SCN11A: variants seen among roughly 807,000 people sequenced by gnomAD.
SCN11A encodes the protein sodium channel protein type 11 subunit alpha.
SCN11A carries 122 observed loss-of-function variants against 162.2 expected under a neutral mutation model. That is an observed-to-expected ratio of 0.75 (90% CI 0.65 to 0.87). The LOEUF is 0.87. Among genes scored for constraint, SCN11A ranks in the 40% least tolerant of loss-of-function variants. The pLI, the probability that SCN11A is intolerant of heterozygous loss-of-function variation, is 0.00. For missense variants in SCN11A, 2,015 were observed against 2,181.6 expected (o/e 0.92, Z 1.52); for synonymous variants, 758 against 751.5 (o/e 1.01, Z -0.14).
chr3:38,996,622 T>G (rs1372883871), intron 2 of SCN11A, among the ~76,000 whole-genome samples: 1 of 152,204 alleles, frequency 6.6e-6, no homozygotes, highest in Non-Finnish European at 1.5e-5. Flanking sequence ...AAGATCAAAG[T>G]GCTGAGAAGA....
At chr3:39,012,448 TTCTC>T (rs1178248744) in intron 2 of SCN11A, among the ~76,000 whole-genome samples, 23 of 148,478 alleles carry the variant, frequency 1.5e-4, no homozygotes, top group South Asian at 2.1e-4. Flanking sequence ...CTCTCTCTCT[TTCTC>T]TCTTTCTTTC....
chr3:38,889,576 G>A (rs2126112001), intron 19 of SCN11A, among the ~76,000 whole-genome samples: 1 of 152,054 alleles, frequency 6.6e-6, no homozygotes, highest in Non-Finnish European at 1.5e-5. Flanking sequence ...GAGGAGAGCA[G>A]ATCACGAGGT....
At chr3:38,866,994 G>C (rs1360495084) in intron 27 of SCN11A, among the ~76,000 whole-genome samples, 1 of 152,118 alleles carries the variant, frequency 6.6e-6, no homozygotes, top group Non-Finnish European at 1.5e-5. Context: ...TGACCCTAGT[G>C]TCATATTTAA....
At chr3:38,931,531 A>T (rs1420614239) in intron 7 of SCN11A, among the ~76,000 whole-genome samples, 1 of 152,244 alleles carries the variant, frequency 6.6e-6, no homozygotes, top group Non-Finnish European at 1.5e-5. Context: ...TTTAAAATCT[A>T]TGAAAACATT....
chr3:38,896,822 TG>T, intron 18 of SCN11A, 22 bp downstream of exon 18: 4 of 1,438,326 alleles, frequency 2.8e-6, no homozygotes, highest in Admixed American at 2.6e-5. Flanking sequence ...TTTTTTTTTT[TG>T]AAAAAAATCT....
At chr3:39,020,940 A>T (rs1166713723) in intron 2 of SCN11A, among the ~76,000 whole-genome samples, 1 of 152,148 alleles carries the variant, frequency 6.6e-6, no homozygotes, top group Non-Finnish European at 1.5e-5. Context: ...GAAAGACTTT[A>T]TTCAAAAAAA....
chr3:39,046,164 G>C (rs576705702), intron 1 of SCN11A, among the ~76,000 whole-genome samples: 50 of 152,258 alleles, frequency 3.3e-4, no homozygotes, highest in Admixed American at 3.3e-3. Flanking sequence ...GGAAGCTGGG[G>C]CATGAGAATC....
chr3:38,984,037 C>T (rs1575346867), intron 2 of SCN11A, among the ~76,000 whole-genome samples: 1 of 152,170 alleles, frequency 6.6e-6, no homozygotes, highest in Non-Finnish European at 1.5e-5. Context: ...AGTCCCATTG[C>T]TTTGGGAAAG....
chr3:38,929,012 T>C (rs965974806), intron 7 of SCN11A, among the ~76,000 whole-genome samples: 2 of 152,074 alleles, frequency 1.3e-5, no homozygotes, highest in Non-Finnish European at 2.9e-5. Context: ...CTGTTCATAA[T>C]AACAAAGAGG....
At chr3:38,849,066 G>A (rs965825182) in intron 29 of SCN11A, among the ~76,000 whole-genome samples, 2 of 152,104 alleles carry the variant, frequency 1.3e-5, no homozygotes, top group East Asian at 1.9e-4. Flanking sequence ...ATGCCATACA[G>A]CATGTATAAC....
intron 2 of SCN11A, among the ~76,000 whole-genome samples, chr3:38,987,334 CACACACA>C (rs1318329026): frequency 1.4e-5 from 2 of 148,100 alleles, no homozygotes; most frequent in East Asian, 2.0e-4. Context: ...CACACACACA[CACACACA>C]CCTGTCCTGT....
At chr3:38,922,349 C>A (rs2066067093) in intron 9 of SCN11A, among the ~76,000 whole-genome samples, 1 of 152,200 alleles carries the variant, frequency 6.6e-6, no homozygotes, top group African/African-American at 2.4e-5. Context: ...TCACCCAAGG[C>A]AGATTTTAAT....
At chr3:38,911,081 C>G (rs1333023476) in intron 11 of SCN11A, among the ~76,000 whole-genome samples, 1 of 152,158 alleles carries the variant, frequency 6.6e-6, no homozygotes, top group Admixed American at 6.6e-5. Flanking sequence ...CTAAATAGTG[C>G]TTACACTGAT....
rs2126117873 is a variant in SCN11A at position 38,896,829 on chromosome 3, A to G, written c.2403+16T>C. On this transcript the variant is annotated intron_variant, in intron 18 of 29. Coordinates refer to ENST00000302328, the MANE Select transcript of SCN11A (RefSeq NM_001349253.2). ...GGATCTTTTTTTTTTTTTTGAAAAA[A>G]ATCTAAGACACATACCACAAGTTTT... 2 of 1,443,266 alleles carry G rather than the reference A, an allele frequency of 1.4e-6. No homozygotes were observed. Among genetic ancestry groups the G allele is most frequent in the Non-Finnish European group, 9.1e-7 (1 of 1,095,886 alleles). The allele number at this position is 1,443,266 out of a possible 1,614,324, so 89.4% of individuals were successfully genotyped here.
At chr3:38,929,128 T>TGCGTGC (rs145292640) in intron 7 of SCN11A, among the ~76,000 whole-genome samples, 8,463 of 84,056 alleles carry the variant, frequency 0.1, 319 homozygotes, top group Middle Eastern at 0.15. Flanking sequence ...ATACTGGGTC[T>TGCGTGC]GTGCACGCAC....
At chr3:38,891,245 G>A (rs1274290388) in intron 19 of SCN11A, among the ~76,000 whole-genome samples, 1 of 152,092 alleles carries the variant, frequency 6.6e-6, no homozygotes, top group Non-Finnish European at 1.5e-5. Context: ...AAACTTTGGA[G>A]TTGAAAATTA....
intron 11 of SCN11A, among the ~76,000 whole-genome samples, chr3:38,918,598 T>C (rs1300084170): frequency 6.6e-6 from 1 of 152,200 alleles, no homozygotes; most frequent in Non-Finnish European, 1.5e-5. Context: ...TGCCAAAATG[T>C]TGGGGAGCTT....
Position 38,899,783 on chromosome 3 carries a change from G to C in SCN11A, c.2022+111C>G, listed in dbSNP as rs2065666070. On this transcript the variant is annotated intron_variant, in intron 17 of 29. Transcript: ENST00000302328. Reference sequence around the variant, plus strand: ...AGAGGAGTGCAGTTTTGGTTCTGGGGTTAAGGTAAGATAAATTAAAGTTTA... The same window carrying C: ...AGAGGAGTGCAGTTTTGGTTCTGGGCTTAAGGTAAGATAAATTAAAGTTTA... 12 of 834,706 alleles carry C rather than the reference G, an allele frequency of 1.4e-5. No individual in the cohort carries two copies. In the South Asian group the frequency reaches 2.2e-4, roughly 15 times the overall value. The allele number at this position is 834,706 out of a possible 1,614,324, so 51.7% of individuals were successfully genotyped here. A position where few individuals can be genotyped will look rare whatever the true frequency, so the allele number is the denominator to read the frequency against.
intron 2 of SCN11A, among the ~76,000 whole-genome samples, chr3:38,967,739 C>A (rs1194891407): frequency 6.6e-6 from 1 of 152,220 alleles, no homozygotes; most frequent in African/African-American, 2.4e-5. Flanking sequence ...CTAGACTGAG[C>A]AACTTCCTAA....
Sources: allele counts gnomAD v4.1 joint callset (sites outside exome capture counted in the v4.1 genomes callset), GRCh38; gene constraint gnomAD v4.1.1; transcripts MANE v1.5; gene names NCBI Gene and HGNC (gene_info 2026-07-23, HGNC 2026-07-21).